The following NAV2 variants were observed in gnomAD, a reference collection of about 807,000 sequenced individuals.
NAV2 encodes helicase, APC down-regulated 1.
In NAV2, 54 loss-of-function variants were observed where a neutral mutation model predicts 223.2. The ratio of observed to expected loss-of-function variants is 0.24; its 90% CI spans 0.19 to 0.30. NAV2 has a LOEUF of 0.30. NAV2 is among the 10% of genes least tolerant of loss of function. The pLI is 1.00. For synonymous variants in NAV2, 1,279 were observed against 1,239.3 expected (o/e 1.03, Z -0.67); for missense variants, 2,806 against 3,147.5 (o/e 0.89, Z 2.60).
rs771379027 is a variant in NAV2, at chr11:19,970,046, G to A, written c.2646-14079G>A. 8.0e-4 allele frequency among the ~76,000 whole-genome samples: 121 copies of A among 152,086 alleles called. 1 individual carries two copies. The highest frequency in any genetic ancestry group is 1.8e-4 in the Non-Finnish European group (12 of 68,020). ...GCTCTAATAAAAGTTATGTGAATGT[G>A]GTCTCTCTCTCTCTCAAAATATCTT... On this transcript the variant is annotated intron_variant, in intron 10 of 37. Coordinates refer to ENST00000349880, the MANE Select transcript of NAV2 (RefSeq NM_145117.5).
intron 1 of NAV2, among the ~76,000 whole-genome samples, chr11:19,416,142 A>G (rs1850359446): frequency 6.6e-6 from 1 of 152,152 alleles, no homozygotes; most frequent in South Asian, 2.1e-4. Flanking sequence ...ATAGAAAGAG[A>G]GGAAACCAAA....
At chr11:19,376,268 A>T (rs1564887862) in intron 1 of NAV2, among the ~76,000 whole-genome samples, 1 of 152,238 alleles carries the variant, frequency 6.6e-6, no homozygotes, top group East Asian at 1.9e-4. Context: ...GTGGATTTAA[A>T]AAACAAACAA....
intron 6 of NAV2, among the ~76,000 whole-genome samples, chr11:19,909,486 T>A (rs913518374): frequency 6.6e-6 from 1 of 152,152 alleles, no homozygotes; most frequent in African/African-American, 2.4e-5. Flanking sequence ...TAAAAACAGA[T>A]TGTAACTTTG....
chr11:19,909,974 C>G (rs1030480252), intron 6 of NAV2, among the ~76,000 whole-genome samples: 5 of 152,206 alleles, frequency 3.3e-5, no homozygotes, highest in African/African-American at 1.2e-4. Context: ...GGCACTGAAA[C>G]AGTAACAACA....
upstream of NAV2, among the ~76,000 whole-genome samples, chr11:19,346,197 G>C (rs1852996814): frequency 2.0e-5 from 3 of 152,182 alleles, no homozygotes; most frequent in South Asian, 6.2e-4. Context: ...CTGAGCTTCT[G>C]TGATCTGTGT....
At chr11:19,616,836 A>T (rs7928148) in intron 1 of NAV2, among the ~76,000 whole-genome samples, 3 of 151,898 alleles carry the variant, frequency 2.0e-5, no homozygotes, top group Non-Finnish European at 4.4e-5. Flanking sequence ...ATTGAGGCTG[A>T]GGGGTTAGCA....
chr11:19,687,139 A>T (rs866119747), intron 1 of NAV2, among the ~76,000 whole-genome samples: 11 of 152,310 alleles, frequency 7.2e-5, no homozygotes, highest in Middle Eastern at 3.4e-3. Flanking sequence ...GGTCAGTATG[A>T]GATCTAAAAT....
intron 1 of NAV2, among the ~76,000 whole-genome samples, chr11:19,619,453 T>C (rs2046915811): frequency 6.6e-6 from 1 of 152,198 alleles, no homozygotes; most frequent in South Asian, 2.1e-4. Flanking sequence ...ATCACCATTC[T>C]AACTGGTGTG....
At chr11:20,102,342 G>A (rs576671700) in intron 32 of NAV2, among the ~76,000 whole-genome samples, 2 of 152,246 alleles carry the variant, frequency 1.3e-5, no homozygotes, top group South Asian at 2.1e-4. Flanking sequence ...GTTACCCCCT[G>A]AGCAAGCAGG....
rs74983856 is a variant in NAV2 at position 19,919,123 on chromosome 11, G to A, written c.932-14053G>A. Among the ~76,000 whole-genome samples, 494 of 152,168 alleles carry A rather than the reference G, an allele frequency of 3.2e-3. 18 individuals carry two copies. The South Asian group carries it at 0.067, about 20-fold the overall frequency. On this transcript the variant is annotated intron_variant, in intron 6 of 37. Transcript: ENST00000349880. ...TTTTAGGATTCCGAAGAGAAATGTG[G>A]CCAAATAACTTTGAGCCCAGTCATA...
intron 3 of NAV2, 73 bp from the exon 4 acceptor site, chr11:19,868,852 T>A: frequency 6.9e-7 from 1 of 1,445,608 alleles, no homozygotes. Flanking sequence ...TGTTTTCCCA[T>A]TGTTCCTCAT....
chr11:19,689,849 A>G (rs1343846114), intron 1 of NAV2, among the ~76,000 whole-genome samples: 1 of 152,262 alleles, frequency 6.6e-6, no homozygotes, highest in Non-Finnish European at 1.5e-5. Flanking sequence ...GTTGAAATAG[A>G]AAGATTGCCA....
chr11:19,764,774 C>T (rs2055069726), intron 1 of NAV2, among the ~76,000 whole-genome samples: 1 of 152,038 alleles, frequency 6.6e-6, no homozygotes, highest in African/African-American at 2.4e-5. Context: ...CTGGTCATGC[C>T]CAAACTGGAA....
chr11:19,368,180 T>C (rs556316961), intron 1 of NAV2, among the ~76,000 whole-genome samples: 1 of 152,320 alleles, frequency 6.6e-6, no homozygotes, highest in South Asian at 2.1e-4. Flanking sequence ...TGCTTCATAT[T>C]CATGCACCCT....
intron 1 of NAV2, among the ~76,000 whole-genome samples, chr11:19,718,071 G>A: frequency 8.5e-6 from 1 of 117,432 alleles, no homozygotes; most frequent in East Asian, 2.8e-4. Context: ...CCTTCCCAGT[G>A]CAGGAAACTG....
intron 1 of NAV2, among the ~76,000 whole-genome samples, chr11:19,358,754 C>A (rs1210326238): frequency 6.6e-6 from 1 of 152,186 alleles, no homozygotes; most frequent in Non-Finnish European, 1.5e-5. Flanking sequence ...CTTCCCACCT[C>A]TTACACAGAG....
intron 1 of NAV2, among the ~76,000 whole-genome samples, chr11:19,766,500 A>T (rs977543627): frequency 6.6e-6 from 1 of 152,196 alleles, no homozygotes; most frequent in African/African-American, 2.4e-5. Flanking sequence ...TTAAGGAGGG[A>T]GTGAAGTAGC....
chr11:19,384,674 T>C (rs1471240201), intron 1 of NAV2: 1 of 152,200 alleles, frequency 6.6e-6, no homozygotes, highest in Non-Finnish European at 1.5e-5. Flanking sequence ...CTGTACACTC[T>C]CCAGGTGCCC....
Position 19,713,623 on chromosome 11 carries a change from C to T in NAV2, c.-73C>T, listed in dbSNP as rs1365887894. The T allele has an allele frequency of 5.4e-6, 8 of 1,475,218 alleles. No individual in the cohort carries two copies. Among genetic ancestry groups the T allele is most frequent in the Non-Finnish European group, 7.2e-6 (8 of 1,113,034 alleles). 91.4% of individuals were successfully genotyped at this position (1,475,218 alleles called of 1,614,324 possible). A position where few individuals can be genotyped will look rare whatever the true frequency, so the allele number is the denominator to read the frequency against. On this transcript the variant is annotated 5_prime_UTR_variant, in exon 1 of 38. Coordinates refer to ENST00000349880, the MANE Select transcript of NAV2 (RefSeq NM_145117.5). The surrounding 1 kb of genome is among the most constrained non-coding windows in gnomAD (Gnocchi z 7.2). ...AAGGCCCGGCGCCTGCTCTGCTACCCGCGCTGCCTTTAGCGGTCGCCCCCG... is the reference window on the plus strand; with the variant it reads ...AAGGCCCGGCGCCTGCTCTGCTACCTGCGCTGCCTTTAGCGGTCGCCCCCG...
Sources: gnomAD v4.1 joint callset for allele counts (sites outside exome capture counted in the v4.1 genomes callset) on GRCh38, gnomAD v4.1.1 for gene constraint, Gnocchi (gnomAD v3.1) non-coding constraint, MANE v1.5 for transcripts, NCBI Gene and HGNC (gene_info 2026-07-23, HGNC 2026-07-21) for gene names.